Variants in TLE4 observed in about 807,000 individuals in gnomAD.
TLE4 encodes transducin-like enhancer protein 4.
In TLE4, 8 loss-of-function variants were observed where a neutral mutation model predicts 92.8. The observed-to-expected ratio is 0.09, with a 90% CI of 0.05 to 0.16. The LOEUF (loss-of-function observed/expected upper bound fraction) is 0.16, where lower values mean the gene tolerates loss of function less well. TLE4 is among the 10% of genes least tolerant of loss of function. TLE4 has a pLI of 1.00. For missense variants in TLE4, 675 were observed against 997.6 expected (o/e 0.68, Z 4.36); for synonymous variants, 371 against 374.1 (o/e 0.99, Z 0.10).
intron 14 of TLE4, among the ~76,000 whole-genome samples, chr9:79,717,637 A>G (rs2074790923): frequency 6.6e-6 from 1 of 152,220 alleles, no homozygotes; most frequent in South Asian, 2.1e-4. Flanking sequence ...AAATTTTTGC[A>G]TTAAGGAACG....
At chr9:79,692,522 C>T (rs1191288473) in intron 8 of TLE4, among the ~76,000 whole-genome samples, 2 of 152,136 alleles carry the variant, frequency 1.3e-5, no homozygotes, top group Non-Finnish European at 2.9e-5. Flanking sequence ...CGGTATGCCT[C>T]CACTTCATGT....
chr9:79,666,163 CTGTGTGTGTG>C (rs34558090), intron 8 of TLE4, among the ~76,000 whole-genome samples: 3 of 126,470 alleles, frequency 2.4e-5, no homozygotes, highest in Non-Finnish European at 3.2e-5. Context: ...TTTCCTTCAT[CTGTGTGTGTG>C]TGTGTGTGTG....
intron 8 of TLE4, among the ~76,000 whole-genome samples, chr9:79,700,689 G>A (rs2069558282): frequency 6.6e-6 from 1 of 152,096 alleles, no homozygotes; most frequent in African/African-American, 2.4e-5. Context: ...TTCTTAAACA[G>A]ATCTACCCTG....
chr9:79,693,222 T>A (rs927022919), intron 8 of TLE4, among the ~76,000 whole-genome samples: 1 of 152,164 alleles, frequency 6.6e-6, no homozygotes, highest in Non-Finnish European at 1.5e-5. Flanking sequence ...GTCGTTGTTA[T>A]TCTTCAGATA....
intron 6 of TLE4, among the ~76,000 whole-genome samples, chr9:79,628,294 A>G (rs2053204911): frequency 6.6e-6 from 1 of 152,086 alleles, no homozygotes; most frequent in Admixed American, 6.5e-5. Context: ...TCTTTTGTGT[A>G]TAGATTATAC....
chr9:79,693,095 C>CTGGT (rs1203418293), intron 8 of TLE4, among the ~76,000 whole-genome samples: 1 of 152,168 alleles, frequency 6.6e-6, no homozygotes, highest in Non-Finnish European at 1.5e-5. Flanking sequence ...GGCTATAAAG[C>CTGGT]TGGTGCCTTT....
In TLE4 at chr9:79,675,271, G is replaced by A. The variant is rs1489498617; in HGVS notation, c.609+21196G>A. Among the ~76,000 whole-genome samples, 10 of 152,194 alleles carry A rather than the reference G, an allele frequency of 6.6e-5. No homozygotes were observed. In the East Asian group the frequency reaches 1.9e-3, roughly 29 times the overall value. ...CTACTTTTCTTTGTTTTCCTTTCCA[G>A]TATTCCATTCCCTTTTTCCCTGCCA... On this transcript the variant is annotated intron_variant, in intron 8 of 19. Transcript: ENST00000376552.
At chr9:79,668,777 A>T in intron 8 of TLE4, 2 of 982,462 alleles carry the variant, frequency 2.0e-6, no homozygotes, top group Non-Finnish European at 2.4e-6. Context: ...GAACGCTTTT[A>T]ATTTGCTTTA....
intron 8 of TLE4, among the ~76,000 whole-genome samples, chr9:79,696,277 A>C (rs2068235953): frequency 6.6e-6 from 1 of 152,228 alleles, no homozygotes; most frequent in South Asian, 2.1e-4. Flanking sequence ...AAATCTGACT[A>C]TCCGAAAAGT....
chr9:79,604,347 G>A (rs1334638634), intron 4 of TLE4, among the ~76,000 whole-genome samples: 2 of 152,152 alleles, frequency 1.3e-5, no homozygotes, highest in Non-Finnish European at 2.9e-5. Flanking sequence ...GACTGTGCCT[G>A]CACCTGAAAG....
intron 8 of TLE4, among the ~76,000 whole-genome samples, chr9:79,680,117 T>C (rs1337197180): frequency 2.6e-5 from 4 of 152,178 alleles, no homozygotes; most frequent in African/African-American, 7.2e-5. Context: ...TTTGGTTCCA[T>C]ATGAACTTTA....
At chr9:79,691,147 C>G (rs1057142173) in intron 8 of TLE4, among the ~76,000 whole-genome samples, 2 of 152,128 alleles carry the variant, frequency 1.3e-5, no homozygotes, top group African/African-American at 4.8e-5. Flanking sequence ...ACCAGCATTT[C>G]CCTCTGGACC....
At chr9:79,593,910 T>G (rs1404539693) in intron 4 of TLE4, among the ~76,000 whole-genome samples, 1 of 152,204 alleles carries the variant, frequency 6.6e-6, no homozygotes, top group Non-Finnish European at 1.5e-5. Context: ...GGCAATACGA[T>G]CCTAAATATT....
Position 79,717,047 on chromosome 9 carries a change from T to C in TLE4, c.1341-1675T>C, listed in dbSNP as rs565381195. ...CTACTCTGGCCGGAGATTCCTTAAA[T>C]GTCCACATTCTTTGGGATTCTGTAT... On this transcript the variant is annotated intron_variant, in intron 14 of 19. Coordinates refer to ENST00000376552, the MANE Select transcript of TLE4 (RefSeq NM_007005.6). 1.2e-3 allele frequency among the ~76,000 whole-genome samples: 177 copies of C among 152,328 alleles called. 5 individuals are homozygous for C. In the South Asian group the frequency reaches 0.035, roughly 30 times the overall value.
chr9:79,633,628 A>G (rs1360995524), intron 6 of TLE4, among the ~76,000 whole-genome samples: 1 of 152,166 alleles, frequency 6.6e-6, no homozygotes, highest in African/African-American at 2.4e-5. Flanking sequence ...AAAACAGGCT[A>G]AAACAGAGAA....
chr9:79,611,409 T>G (rs2133034864), intron 4 of TLE4, among the ~76,000 whole-genome samples: 2 of 152,210 alleles, frequency 1.3e-5, no homozygotes, highest in Middle Eastern at 3.4e-3. Context: ...TTCTTTTGGC[T>G]GGTAAAGTTT....
At chr9:79,605,723 C>T (rs1032432906) in intron 4 of TLE4, among the ~76,000 whole-genome samples, 3 of 152,152 alleles carry the variant, frequency 2.0e-5, no homozygotes, top group Non-Finnish European at 2.9e-5. Context: ...ATGAGCACCA[C>T]AAACAGTAGC....
chr9:79,720,255 C>T lies in TLE4; in HGVS notation c.1800C>T (p.Asn600=), dbSNP rs759881012. ...KVCFSCCSDG[N]IAVWDLHNQT... Reference sequence around the variant, plus strand: ...GCTTCTCATGCTGCAGCGACGGCAACATCGCTGTGTGGGATCTGCACAACC... The same window carrying T: ...GCTTCTCATGCTGCAGCGACGGCAATATCGCTGTGTGGGATCTGCACAACC... The change falls in exon 16 of 20, where the codon AAC becomes AAT. Residue 600 remains asparagine (N), a synonymous_variant. Transcript: ENST00000376552. The T allele has an allele frequency of 2.5e-6, 4 of 1,614,134 alleles. No homozygotes were observed. In the South Asian group the frequency reaches 3.3e-5, roughly 13 times the overall value.
intron 8 of TLE4, among the ~76,000 whole-genome samples, chr9:79,689,400 G>C (rs2066577229): frequency 1.3e-5 from 2 of 150,416 alleles, no homozygotes; most frequent in Non-Finnish European, 3.0e-5. Flanking sequence ...TATTGTAATT[G>C]ACCTTGGCGA....
Sources: allele counts gnomAD v4.1 joint callset (sites outside exome capture counted in the v4.1 genomes callset), GRCh38; gene constraint gnomAD v4.1.1; transcripts MANE v1.5; gene names NCBI Gene and HGNC (gene_info 2026-07-23, HGNC 2026-07-21).